The following ROBO2 variants were observed in gnomAD, a reference collection of about 807,000 sequenced individuals.
The protein encoded by ROBO2 is roundabout homolog 2.
ROBO2 carries 53 observed loss-of-function variants against 160.8 expected under a neutral mutation model. The observed-to-expected ratio is 0.33, with a 90% CI of 0.26 to 0.41. The LOEUF is 0.41. Among genes scored for constraint, ROBO2 ranks in the 10% least tolerant of loss-of-function variants. ROBO2 has a pLI of 1.00. For synonymous variants in ROBO2, 664 were observed against 611.7 expected, an observed-to-expected ratio of 1.09 and a Z score of -1.26; for missense variants, 1,577 against 1,722.4, an observed-to-expected ratio of 0.92 and a Z score of 1.49.
chr3:77,015,988 T>G (rs2062218014), intron 2 of ROBO2, among the ~76,000 whole-genome samples: 1 of 151,980 alleles, frequency 6.6e-6, no homozygotes, highest in African/African-American at 2.4e-5. Context: ...TTATTTTTAT[T>G]TTTTTTGAGA....
At chr3:77,244,469 G>C (rs1056458465) in intron 2 of ROBO2, among the ~76,000 whole-genome samples, 5 of 152,162 alleles carry the variant, frequency 3.3e-5, no homozygotes, top group African/African-American at 1.2e-4. Context: ...ATATCATTGG[G>C]TGTGTAATGA....
At chr3:76,979,577 G>T (rs1460692572) in intron 2 of ROBO2, among the ~76,000 whole-genome samples, 7 of 151,532 alleles carry the variant, frequency 4.6e-5, no homozygotes, top group Non-Finnish European at 8.8e-5. Flanking sequence ...TGGTATTGGG[G>T]TGTATGTGTG....
intron 2 of ROBO2, among the ~76,000 whole-genome samples, chr3:77,314,741 A>G (rs1467015982): frequency 6.6e-6 from 1 of 152,196 alleles, no homozygotes; most frequent in Admixed American, 6.5e-5. Flanking sequence ...GGCATTATAT[A>G]TCAAGCCATT....
intron 2 of ROBO2, among the ~76,000 whole-genome samples, chr3:77,275,160 A>G (rs1214636174): frequency 2.6e-5 from 4 of 152,168 alleles, no homozygotes; most frequent in South Asian, 2.1e-4. Context: ...AGGTAAATAC[A>G]TAGATAACTA....
At chr3:76,739,269 G>A (rs2093762975) in intron 2 of ROBO2, among the ~76,000 whole-genome samples, 1 of 152,094 alleles carries the variant, frequency 6.6e-6, no homozygotes, top group Admixed American at 6.5e-5. Context: ...AGAAAATGTG[G>A]CACATTTACA....
chr3:76,320,958 A>G (rs904021614), intron 2 of ROBO2, among the ~76,000 whole-genome samples: 1 of 152,220 alleles, frequency 6.6e-6, no homozygotes, highest in Non-Finnish European at 1.5e-5. Context: ...TAGTCTATCT[A>G]CTATAGCCAT....
Position 76,680,358 on chromosome 3 carries a change from TAAAA to T in ROBO2, c.110-417643_110-417640del, listed in dbSNP as rs3066796. Among the ~76,000 whole-genome samples the T allele has an allele frequency of 3.3e-3, 475 of 143,604 alleles. 4 individuals carry two copies. Among genetic ancestry groups the T allele is most frequent in the African/African-American group, 9.1e-3 (363 of 39,680 alleles). 94.2% of individuals were successfully genotyped at this position (143,604 alleles called of 152,430 possible). On this transcript the variant is annotated intron_variant, in intron 2 of 26. Transcript: ENST00000487694. ...TATATACTTCCTGACATGGATATAT[TAAAA>T]AAAAAAAAAAAACGGCGAACAAAAC...
intron 2 of ROBO2, among the ~76,000 whole-genome samples, chr3:76,714,572 T>C (rs2093350277): frequency 1.3e-5 from 2 of 152,154 alleles, no homozygotes; most frequent in African/African-American, 4.8e-5. Flanking sequence ...TTCCCTTTCT[T>C]GAAACAGAAA....
chr3:76,013,851 T>C (rs1186157759), intron 2 of ROBO2, among the ~76,000 whole-genome samples: 1 of 151,940 alleles, frequency 6.6e-6, no homozygotes, highest in South Asian at 2.1e-4. Flanking sequence ...CCAGAAGTGA[T>C]ATGTATAAAG....
In ROBO2 at chr3:76,946,308, C is replaced by T. The variant is rs114197991; in HGVS notation, c.110-151706C>T. Among the ~76,000 whole-genome samples the T allele has an allele frequency of 1.7e-3, 256 of 152,230 alleles. 1 individual carries two copies. The highest frequency in any genetic ancestry group is 5.2e-3 in the African/African-American group (217 of 41,542). The stretch of plus-strand genomic sequence containing the variant: ...TCCTTTAATCCATTTAGGTGGTTCT[C>T]TGTCCAGGGGTGGGGATTTTCTCAC... On this transcript the variant is annotated intron_variant, in intron 2 of 26. Coordinates refer to the ROBO2 transcript ENST00000487694.
chr3:77,058,257 C>CA (rs1283734481), intron 1 of ROBO2, among the ~76,000 whole-genome samples: 13 of 151,920 alleles, frequency 8.6e-5, no homozygotes, highest in African/African-American at 2.2e-4. Flanking sequence ...TGCCTTGAGA[C>CA]AAAAAATGGA....
In ROBO2 at chr3:76,668,267, T is replaced by TA. The variant is rs35393443; in HGVS notation, c.110-429738dup. Among the ~76,000 whole-genome samples the TA allele has an allele frequency of 4.5e-3, 681 of 150,618 alleles. 3 individuals carry two copies. The highest frequency in any genetic ancestry group is 0.016 in the African/African-American group (644 of 40,920). The stretch of plus-strand genomic sequence containing the variant: ...GGAATGTGCTACCACGCCCAGCTAT[T>TA]AAAAAAAAATTGTAGAGAGAGAAAG... On this transcript the variant is annotated intron_variant, in intron 2 of 26. Transcript: ENST00000487694.
intron 2 of ROBO2, among the ~76,000 whole-genome samples, chr3:77,376,862 C>T (rs945598982): frequency 6.6e-6 from 1 of 152,196 alleles, no homozygotes; most frequent in African/African-American, 2.4e-5. Context: ...TCTACCCTTT[C>T]TATTATTCAA....
chr3:76,525,322 G>T (rs1035646997), intron 2 of ROBO2, among the ~76,000 whole-genome samples: 1 of 151,628 alleles, frequency 6.6e-6, no homozygotes, highest in Non-Finnish European at 1.5e-5. Flanking sequence ...GATCTTCTTG[G>T]TTTTATGTTT....
intron 2 of ROBO2, among the ~76,000 whole-genome samples, chr3:77,424,335 G>A (rs1376107196): frequency 6.6e-6 from 1 of 152,142 alleles, no homozygotes; most frequent in East Asian, 1.9e-4. Flanking sequence ...GACCTAAAAT[G>A]TGCTTAGAAG....
At chr3:76,622,413 C>A (rs2089288499) in intron 2 of ROBO2, among the ~76,000 whole-genome samples, 1 of 152,006 alleles carries the variant, frequency 6.6e-6, no homozygotes, top group Non-Finnish European at 1.5e-5. Flanking sequence ...TAGCATGAGC[C>A]ATGATCATGC....
rs190582587 is a variant in ROBO2 at position 76,789,582 on chromosome 3, G to A, written c.110-308432G>A. Among the ~76,000 whole-genome samples the A allele has an allele frequency of 5.9e-5, 9 of 151,702 alleles. No individual in the cohort carries two copies. The East Asian group carries it at 1.8e-3, about 30-fold the overall frequency. On this transcript the variant is annotated intron_variant, in intron 2 of 26. Transcript: ENST00000487694. Reference sequence around the variant, plus strand: ...GCGGATGCAGTAATTAGTTTGCAAAGAGCTTGGGGAAAATGGACTCACAAG... The same window carrying A: ...GCGGATGCAGTAATTAGTTTGCAAAAAGCTTGGGGAAAATGGACTCACAAG...
intron 2 of ROBO2, among the ~76,000 whole-genome samples, chr3:76,041,276 T>C (rs1335138159): frequency 6.6e-6 from 1 of 152,058 alleles, no homozygotes; most frequent in African/African-American, 2.4e-5. Context: ...GACTATGATT[T>C]ATTATGACCA....
At chr3:77,279,785 C>T (rs552870701) in intron 2 of ROBO2, among the ~76,000 whole-genome samples, 4 of 152,014 alleles carry the variant, frequency 2.6e-5, no homozygotes, top group East Asian at 3.9e-4. Flanking sequence ...ACTTTTCCTA[C>T]CAAAGTGTAT....
Sources: gnomAD v4.1 joint callset for allele counts (sites outside exome capture counted in the v4.1 genomes callset) on GRCh38, gnomAD v4.1.1 for gene constraint, MANE v1.5 for transcripts, NCBI Gene and HGNC (gene_info 2026-07-23, HGNC 2026-07-21) for gene names.